Variants in ENAH observed in about 807,000 individuals in gnomAD.
The protein encoded by ENAH is protein enabled homolog.
In ENAH, 23 loss-of-function variants were observed where a neutral mutation model predicts 78.7. That is an observed-to-expected ratio of 0.29 (90% CI 0.21 to 0.41). The LOEUF (loss-of-function observed/expected upper bound fraction) is 0.41, where lower values mean the gene tolerates loss of function less well. Ranked by LOEUF, ENAH falls within the 10% of genes least tolerant of loss-of-function variation. ENAH has a pLI of 1.00. For synonymous variants in ENAH, 226 were observed against 241.0 expected (o/e 0.94, Z 0.58); for missense variants, 544 against 691.0 (o/e 0.79, Z 2.39).
intron 1 of ENAH, among the ~76,000 whole-genome samples, chr1:225,614,116 T>C (rs1230114575): frequency 6.6e-6 from 1 of 151,904 alleles, no homozygotes; most frequent in East Asian, 1.9e-4. Flanking sequence ...TGGAGTGCAA[T>C]GGCACAATCT....
chr1:225,515,689 G>C (rs2096411891), intron 6 of ENAH, among the ~76,000 whole-genome samples: 1 of 152,188 alleles, frequency 6.6e-6, no homozygotes, highest in Non-Finnish European at 1.5e-5. Flanking sequence ...AGGTTTAAGA[G>C]GGGTGTTTTC....
chr1:225,609,455 T>C (rs1392546207), intron 1 of ENAH, among the ~76,000 whole-genome samples: 2 of 151,888 alleles, frequency 1.3e-5, no homozygotes, highest in African/African-American at 4.8e-5. Flanking sequence ...AGATGGAAAG[T>C]ATGCATCGTG....
intron 1 of ENAH, among the ~76,000 whole-genome samples, chr1:225,575,685 T>C (rs1351238986): frequency 2.0e-5 from 3 of 152,146 alleles, no homozygotes; most frequent in Non-Finnish European, 4.4e-5. Flanking sequence ...AACTCACCTC[T>C]TCTTGAAAGC....
chr1:225,621,298 T>C (rs998090720), intron 1 of ENAH, among the ~76,000 whole-genome samples: 10 of 147,344 alleles, frequency 6.8e-5, no homozygotes, highest in Non-Finnish European at 1.1e-4. Context: ...CTATCTCTCT[T>C]TTTTTTTTTT....
chr1:225,587,547 G>C (rs2096853566), intron 1 of ENAH, among the ~76,000 whole-genome samples: 1 of 152,142 alleles, frequency 6.6e-6, no homozygotes, highest in South Asian at 2.1e-4. Flanking sequence ...TGGATTGGAA[G>C]CCTCAATATT....
Position 225,490,578 on chromosome 1 carries a change from T to A in ENAH, c.*7197A>T, listed in dbSNP as rs1279360127. ...GACAGAGCAACACTCCGTCAAAAAT[T>A]TTTTTTTGCAATTGAAACTTAAAAT... On this transcript the variant is annotated 3_prime_UTR_variant, in exon 14 of 14. Coordinates refer to ENST00000366843, the MANE Select transcript of ENAH (RefSeq NM_018212.6). The A allele has an allele frequency of 6.6e-6, 1 of 151,896 alleles. No individual in the cohort carries two copies. The highest frequency in any genetic ancestry group is 1.5e-5 in the Non-Finnish European group (1 of 67,964). 9.4% of individuals were successfully genotyped at this position (151,896 alleles called of 1,614,324 possible).
At position 225,519,274 on chromosome 1, in the gene ENAH, C is replaced by A. The variant is rs999709736; in HGVS notation, c.726G>T (p.Arg242Ser). The part of the protein sequence containing the change: ...RERLERLERE[R>S]QERERQEQLE... ...ACTGCTCTTGTCGCTCCCTTTCTTGCCTCTCCCGTTCCAGTCTCTCCAGCC... is the reference window on the plus strand; with the variant it reads ...ACTGCTCTTGTCGCTCCCTTTCTTGACTCTCCCGTTCCAGTCTCTCCAGCC... Residue 242 changes from arginine (R) to serine (S), a missense_variant, in exon 5 of 14, where the codon AGG becomes AGT. Arg to Ser is a moderately radical substitution (Grantham distance 110). Transcript: ENST00000366843. The A allele has an allele frequency of 6.2e-7, 1 of 1,614,128 alleles. No individual in the cohort carries two copies. The highest frequency in any genetic ancestry group is 2.2e-5 in the East Asian group (1 of 44,870).
chr1:225,536,337 G>A (rs2096561309), intron 3 of ENAH, among the ~76,000 whole-genome samples: 2 of 151,780 alleles, frequency 1.3e-5, no homozygotes, highest in African/African-American at 4.8e-5. Flanking sequence ...AAGGGGAAGG[G>A]TTTATATGAA....
chr1:225,568,462 C>A (rs1371420072), intron 1 of ENAH, among the ~76,000 whole-genome samples: 2 of 152,200 alleles, frequency 1.3e-5, no homozygotes, highest in African/African-American at 2.4e-5. Context: ...CACATCAACT[C>A]TATGCTATTA....
intron 1 of ENAH, among the ~76,000 whole-genome samples, chr1:225,607,309 A>G (rs1343298982): frequency 6.6e-6 from 1 of 152,194 alleles, no homozygotes; most frequent in Non-Finnish European, 1.5e-5. Flanking sequence ...ATTCAAAGCC[A>G]TCCTGGGCCA....
At chr1:225,619,538 C>T (rs746860434) in intron 1 of ENAH, among the ~76,000 whole-genome samples, 6 of 152,104 alleles carry the variant, frequency 3.9e-5, no homozygotes, top group Non-Finnish European at 7.4e-5. Context: ...AGTAAGACCC[C>T]ATCTCAAAAA....
chr1:225,616,187 A>G (rs899602359), intron 1 of ENAH, among the ~76,000 whole-genome samples: 20 of 152,304 alleles, frequency 1.3e-4, no homozygotes, highest in African/African-American at 4.8e-4. Context: ...GGACACAAAC[A>G]CTGCGGAAGG....
chr1:225,504,226 C>G (rs1298916077), intron 11 of ENAH, among the ~76,000 whole-genome samples: 1 of 151,960 alleles, frequency 6.6e-6, no homozygotes, highest in African/African-American at 2.4e-5. Context: ...CCAGGCTGGT[C>G]TTGAACTCCG....
intron 1 of ENAH, among the ~76,000 whole-genome samples, chr1:225,642,862 A>C (rs1442667771): frequency 6.6e-6 from 1 of 152,232 alleles, no homozygotes. Context: ...CCTACAGGTA[A>C]TCAAAGAAAT....
chr1:225,565,297 T>C (rs2151497522), intron 2 of ENAH, among the ~76,000 whole-genome samples: 1 of 152,136 alleles, frequency 6.6e-6, no homozygotes, highest in East Asian at 1.9e-4. Context: ...TAGCCAGGCA[T>C]GGTGGCACAT....
At position 225,530,468 on chromosome 1, in the gene ENAH, A is replaced by C. The variant is rs917774178; in HGVS notation, c.434+86T>G. Reference sequence around the variant, plus strand: ...AGTTGTGACTCTTAAACAGCTGATAAGACATAATCTACTTTAAACACAGGA... The same window carrying C: ...AGTTGTGACTCTTAAACAGCTGATACGACATAATCTACTTTAAACACAGGA... On this transcript the variant is annotated intron_variant, in intron 4 of 13. Coordinates refer to ENST00000366843, the MANE Select transcript of ENAH (RefSeq NM_018212.6). 3 of 1,090,576 alleles carry C rather than the reference A, an allele frequency of 2.8e-6. No individual in the cohort carries two copies. In the Admixed American group the frequency reaches 5.5e-5, roughly 20 times the overall value. The allele number at this position is 1,090,576 out of a possible 1,614,324, so 67.6% of individuals were successfully genotyped here.
Position 225,514,698 on chromosome 1 carries a change from G to A in ENAH, c.1116C>T (p.Leu372=). The change falls in exon 7 of 14, where the codon CTC becomes CTT. Residue 372 remains leucine (L), a synonymous_variant. Transcript: ENST00000366843. ...PPPPPPPAPP[L]PASGFFLASM... ...ATGCCAAAAAGAATCCAGATGCAGG[G>A]AGGGGTGGGGCAGGAGGTGGTGGAG... is the stretch of plus-strand genomic sequence containing the variant. The A allele has an allele frequency of 3.1e-6, 5 of 1,588,672 alleles. No homozygotes were observed. The highest frequency in any genetic ancestry group is 4.3e-6 in the Non-Finnish European group (5 of 1,159,358).
rs757602062 is a variant in ENAH, at chr1:225,514,623, G to A, written c.1191C>T (p.Ala397=). Residue 397 remains alanine (A), a synonymous_variant, in exon 7 of 14, where the codon GCC becomes GCT. Coordinates refer to ENST00000366843, the MANE Select transcript of ENAH (RefSeq NM_018212.6). Reference sequence around the variant, plus strand: ...GTGACACTTTCCTAAGTTTTGCTCCGGCAATTGCAGCTGCAAGTCCAGTTA... The same window carrying A: ...GTGACACTTTCCTAAGTTTTGCTCCAGCAATTGCAGCTGCAAGTCCAGTTA... ...RPLTGLAAAI[A]GAKLRKVSRM... 3.1e-6 allele frequency: 5 copies of A among 1,611,984 alleles called. No homozygotes were observed. The East Asian group carries it at 6.7e-5, about 22-fold the overall frequency.
intron 1 of ENAH, among the ~76,000 whole-genome samples, chr1:225,651,973 G>A (rs1410127086): frequency 1.3e-5 from 2 of 152,154 alleles, no homozygotes; most frequent in Non-Finnish European, 1.5e-5. Flanking sequence ...ATTGAGTACA[G>A]AGCAAAGGGA....
Sources: allele counts gnomAD v4.1 joint callset (sites outside exome capture counted in the v4.1 genomes callset), GRCh38; gene constraint gnomAD v4.1.1; transcripts MANE v1.5; gene names NCBI Gene and HGNC (gene_info 2026-07-23, HGNC 2026-07-21).